NBDY: variants seen among roughly 807,000 people sequenced by gnomAD.
NBDY encodes negative regulator of P-body association, also known as P-body dissociating protein.
intron 2 of NBDY, among the ~76,000 whole-genome samples, chrX:56,811,440 G>T (rs1489277625): frequency 8.9e-6 from 1 of 112,125 alleles, no homozygotes; most frequent in Non-Finnish European, 1.9e-5. Flanking sequence ...CTTTTTTTCA[G>T]AGATGCCCTG....
chrX:56,783,029 G>A (rs376549245), intron 2 of NBDY, among the ~76,000 whole-genome samples: 8 of 112,707 alleles, frequency 7.1e-5, no homozygotes, highest in Middle Eastern at 9.2e-3. Flanking sequence ...ACAAATGTGC[G>A]GGTTTAAGCA....
intron 2 of NBDY, among the ~76,000 whole-genome samples, chrX:56,741,208 A>G (rs965981546): frequency 3.6e-5 from 4 of 111,802 alleles, no homozygotes; most frequent in Non-Finnish European, 7.5e-5. Flanking sequence ...TCCACTATGT[A>G]TATATACCAC....
At chrX:56,816,214 A>T (rs1198437876) in intron 2 of NBDY, among the ~76,000 whole-genome samples, 1 of 111,138 alleles carries the variant, frequency 9.0e-6, no homozygotes, top group East Asian at 2.8e-4. Flanking sequence ...TTCATAGGAG[A>T]CAAAAATATA....
chrX:56,751,387 G>A lies in NBDY; in HGVS notation c.*166+19188G>A, dbSNP rs373410329. ...CTGGTATTTGTCTATTATTGCACAT[G>A]TCAAACAATAACTTGGTGAATGTAC... On this transcript the variant is annotated intron_variant, in intron 2 of 2. Transcript: ENST00000374922. 5.4e-5 allele frequency among the ~76,000 whole-genome samples: 6 copies of A among 111,609 alleles called. No individual in the cohort carries two copies. The East Asian group carries it at 1.7e-3, about 31-fold the overall frequency.
At chrX:56,800,303 G>A (rs1602667101) in intron 2 of NBDY, among the ~76,000 whole-genome samples, 1 of 112,227 alleles carries the variant, frequency 8.9e-6, no homozygotes, top group East Asian at 2.8e-4. Context: ...TGTCTGCCCA[G>A]GCACCTGTGC....
At chrX:56,802,025 C>G (rs1041966048) in intron 2 of NBDY, among the ~76,000 whole-genome samples, 20 of 109,770 alleles carry the variant, frequency 1.8e-4, no homozygotes, top group African/African-American at 6.6e-4. Flanking sequence ...CAAATCCTCA[C>G]ACAGGCCCAG....
intron 2 of NBDY, among the ~76,000 whole-genome samples, chrX:56,746,860 G>C (rs1051883265): frequency 9.0e-6 from 1 of 111,650 alleles, no homozygotes; most frequent in African/African-American, 3.3e-5. Flanking sequence ...ATTTTCTTTT[G>C]TCATTACATC....
At chrX:56,808,252 T>C (rs7883254) in intron 2 of NBDY, among the ~76,000 whole-genome samples, 4,090 of 112,091 alleles carry the variant, frequency 0.036, 166 homozygotes, top group African/African-American at 0.13. Context: ...GGTATCAGGA[T>C]GATGCTGGCC....
At chrX:56,738,814 T>C (rs898379839) in intron 2 of NBDY, among the ~76,000 whole-genome samples, 6 of 111,208 alleles carry the variant, frequency 5.4e-5, no homozygotes, top group African/African-American at 2.0e-4. Context: ...TCTTGTGCTT[T>C]TTATGAAGAC....
At chrX:56,758,066 G>T (rs2146721436) in intron 2 of NBDY, among the ~76,000 whole-genome samples, 1 of 110,359 alleles carries the variant, frequency 9.1e-6, no homozygotes, top group South Asian at 3.9e-4. Flanking sequence ...AGGCATGGTG[G>T]CCCACACCTG....
chrX:56,780,917 T>C (rs752100427), intron 2 of NBDY, among the ~76,000 whole-genome samples: 1 of 98,996 alleles, frequency 1.0e-5, no homozygotes, highest in Non-Finnish European at 2.0e-5. Flanking sequence ...GGGTTGGCAC[T>C]GGGACTGTGA....
chrX:56,742,370 GT>G (rs1313724235), intron 2 of NBDY, among the ~76,000 whole-genome samples: 1 of 111,493 alleles, frequency 9.0e-6, no homozygotes, highest in African/African-American at 3.2e-5. Flanking sequence ...TGTGAAGAAT[GT>G]TTTTTGTATT....
chrX:56,807,459 C>T (rs1279928031), intron 2 of NBDY, among the ~76,000 whole-genome samples: 2 of 111,456 alleles, frequency 1.8e-5, no homozygotes, highest in African/African-American at 6.5e-5. Flanking sequence ...ATGGAATGTC[C>T]TTCCATTTGT....
At chrX:56,794,675 G>T (rs966559990) in intron 2 of NBDY, among the ~76,000 whole-genome samples, 1 of 111,440 alleles carries the variant, frequency 9.0e-6, no homozygotes, top group Non-Finnish European at 1.9e-5. Context: ...GGAGGGGTGT[G>T]TGGGTGAGTG....
intron 2 of NBDY, among the ~76,000 whole-genome samples, chrX:56,747,044 A>C (rs2069561481): frequency 8.9e-6 from 1 of 112,008 alleles, no homozygotes; most frequent in Non-Finnish European, 1.9e-5. Flanking sequence ...TGGTGTGGAC[A>C]TCTTTGGGTG....
chrX:56,798,395 G>A (rs1004285136), intron 2 of NBDY, among the ~76,000 whole-genome samples: 2 of 111,527 alleles, frequency 1.8e-5, no homozygotes, highest in Non-Finnish European at 3.8e-5. Flanking sequence ...TCCCACCCCT[G>A]CCTGTGTGAA....
chrX:56,783,481 T>C (rs1469288466), intron 2 of NBDY, among the ~76,000 whole-genome samples: 1 of 112,368 alleles, frequency 8.9e-6, no homozygotes, highest in Non-Finnish European at 1.9e-5. Flanking sequence ...AAATGGCTGC[T>C]GGTGCAGCTC....
rs765861492 is a variant in NBDY at position 56,765,706 on chromosome X, C to G, written c.*166+33507C>G. On this transcript the variant is annotated intron_variant, in intron 2 of 2. Coordinates refer to ENST00000374922, the MANE Select transcript of NBDY (RefSeq NM_001348129.2). ...AATTCTTCTCCTTCTCCTCCTTCTC[C>G]TCTTGCTCCTCCTCCTCCAACTCCT... Among the ~76,000 whole-genome samples, 35 of 110,754 alleles carry G rather than the reference C, an allele frequency of 3.2e-4. No homozygotes were observed. The Admixed American group carries it at 3.3e-3, about 10-fold the overall frequency.
At chrX:56,729,661 C>A in intron 1 of NBDY, 72 bp downstream of exon 1, 1 of 294,298 alleles carries the variant, frequency 3.4e-6, no homozygotes. Flanking sequence ...AATTTCCTTC[C>A]CCTTTTCCCT....
Sources: gnomAD v4.1 joint callset for allele counts (sites outside exome capture counted in the v4.1 genomes callset) on GRCh38, gnomAD v4.1.1 for gene constraint, MANE v1.5 for transcripts, NCBI Gene and HGNC (gene_info 2026-07-23, HGNC 2026-07-21) for gene names.